The following PKHD1 variants were observed in gnomAD, a reference collection of about 807,000 sequenced individuals.
PKHD1 encodes fibrocystin.
Under a neutral mutation model 412.0 loss-of-function variants are expected in PKHD1, and 291 were observed. The observed-to-expected ratio is 0.71, with a 90% CI of 0.64 to 0.78. PKHD1 has a LOEUF of 0.78. PKHD1 is among the 30% of genes least tolerant of loss of function. PKHD1 has a pLI of 0.00. For missense variants in PKHD1, 4,825 were observed against 4,950.7 expected, an observed-to-expected ratio of 0.97 and a Z score of 0.76; for synonymous variants, 1,777 against 1,821.5, an observed-to-expected ratio of 0.98 and a Z score of 0.62.
intron 5 of PKHD1, among the ~76,000 whole-genome samples, chr6:52,076,590 T>C (rs1184596721): frequency 6.6e-6 from 1 of 152,204 alleles, no homozygotes; most frequent in African/African-American, 2.4e-5. Context: ...TTCTGTACCA[T>C]ATTGTCCAAA....
rs112486611 is a variant in PKHD1 at position 51,773,681 on chromosome 6, A to C, written c.8555-892T>G. Among the ~76,000 whole-genome samples, 745 of 151,782 alleles carry C rather than the reference A, an allele frequency of 4.9e-3. 7 individuals are homozygous for C. Among genetic ancestry groups the C allele is most frequent in the African/African-American group, 0.017 (723 of 41,516 alleles). On this transcript the variant is annotated intron_variant, in intron 54 of 66. Transcript: ENST00000371117. ...GCACTGTATTTTATTGCAAGTCATT[A>C]ATCTAAAAATTTAAAAATTTTACAA...
At chr6:51,906,983 G>T (rs1018526) in intron 40 of PKHD1, among the ~76,000 whole-genome samples, 13 of 152,016 alleles carry the variant, frequency 8.6e-5, no homozygotes, top group Admixed American at 8.5e-4. Context: ...ATCTGGTTAC[G>T]AGGCCTAGAT....
chr6:52,054,003 T>G, intron 20 of PKHD1, 35 bp downstream of exon 20: 1 of 1,612,744 alleles, frequency 6.2e-7, no homozygotes, highest in Non-Finnish European at 8.5e-7. Flanking sequence ...CCCAGCTGAC[T>G]GAATTCCCAC....
chr6:51,836,353 G>A (rs1195834362), intron 51 of PKHD1, 51 bp downstream of exon 51: 1 of 1,183,904 alleles, frequency 8.4e-7, no homozygotes, highest in Admixed American at 1.7e-5. Context: ...TAGAACTACT[G>A]GAGGACATTC....
intron 60 of PKHD1, among the ~76,000 whole-genome samples, chr6:51,681,070 T>C (rs1002911026): frequency 6.6e-6 from 1 of 152,048 alleles, no homozygotes; most frequent in African/African-American, 2.4e-5. Flanking sequence ...GTAAAATCAA[T>C]GGAAAACCCC....
chr6:51,889,202 G>A (rs1778721007), intron 43 of PKHD1, among the ~76,000 whole-genome samples: 1 of 152,080 alleles, frequency 6.6e-6, no homozygotes, highest in African/African-American at 2.4e-5. Flanking sequence ...TCAATCCCGG[G>A]AACACAAACT....
At chr6:51,736,548 T>C (rs1007665327) in intron 60 of PKHD1, among the ~76,000 whole-genome samples, 55 of 152,190 alleles carry the variant, frequency 3.6e-4, no homozygotes, top group Admixed American at 3.6e-3. Context: ...TTTAATACCA[T>C]GACATCTGGA....
At chr6:51,715,485 TA>T (rs1278903169) in intron 60 of PKHD1, among the ~76,000 whole-genome samples, 2 of 152,206 alleles carry the variant, frequency 1.3e-5, no homozygotes, top group Non-Finnish European at 2.9e-5. Flanking sequence ...TGCCTAGAAT[TA>T]AAATTAAAGG....
intron 35 of PKHD1, among the ~76,000 whole-genome samples, chr6:51,967,446 A>C (rs1239187754): frequency 6.6e-6 from 1 of 152,154 alleles, no homozygotes; most frequent in Non-Finnish European, 1.5e-5. Flanking sequence ...ACATGCGCAA[A>C]ATGGAACTTT....
At chr6:51,721,781 T>C (rs1321031757) in intron 60 of PKHD1, 1 of 1,426,874 alleles carries the variant, frequency 7.0e-7, no homozygotes, top group Admixed American at 2.8e-5. Flanking sequence ...TTCCTCTCTT[T>C]TGTATTTCTT....
Position 51,775,698 on chromosome 6 carries a change from G to T in PKHD1, c.8554+110C>A, listed in dbSNP as rs527263247. 30 of 668,896 alleles carry T rather than the reference G, an allele frequency of 4.5e-5. No homozygotes were observed. The African/African-American group carries it at 5.2e-4, about 12-fold the overall frequency. The allele number at this position is 668,896 out of a possible 1,614,324, so 41.4% of individuals were successfully genotyped here. ...TAATAAATATAAATTGCCTAAAAGG[G>T]TGTTTGGAATTTAGCATATGTTCTA... On this transcript the variant is annotated intron_variant, in intron 54 of 66. Transcript: ENST00000371117.
At position 52,056,927 on chromosome 6, in the gene PKHD1, G is replaced by A. The variant is rs746561147; in HGVS notation, c.1565C>T (p.Ser522Phe). The change falls in exon 17 of 67, where the codon TCT becomes TTT. Residue 522 changes from serine (S) to phenylalanine (F), a missense_variant. By Grantham distance (155) the Ser-to-Phe change is radical. Transcript: ENST00000371117. ...GNFFLTWDNVSSQPIPANATA... is the reference protein window; with the variant it reads ...GNFFLTWDNVFSQPIPANATA... ...GGCATTTGCAGGGATTGGCTGACTA[G>A]AGACATTGTCCCAAGTAAGGAAGAA... is the stretch of plus-strand genomic sequence containing the variant. 222 of 1,613,854 alleles carry A rather than the reference G, an allele frequency of 1.4e-4. No homozygotes were observed. The highest frequency in any genetic ancestry group is 1.8e-4 in the Non-Finnish European group (212 of 1,179,900).
intron 48 of PKHD1, among the ~76,000 whole-genome samples, chr6:51,863,078 G>A (rs1339166191): frequency 6.6e-6 from 1 of 151,900 alleles, no homozygotes; most frequent in South Asian, 2.1e-4. Context: ...TGACCCTGAG[G>A]GATAAATACC....
intron 14 of PKHD1, among the ~76,000 whole-genome samples, chr6:52,060,987 A>T (rs1297659503): frequency 6.6e-6 from 1 of 152,314 alleles, no homozygotes; most frequent in East Asian, 1.9e-4. Flanking sequence ...AGTTAAAGGG[A>T]CATACCCTGC....
intron 60 of PKHD1, 82 bp downstream of exon 60, chr6:51,744,303 A>AT (rs1401452335): frequency 1.6e-6 from 2 of 1,217,230 alleles, no homozygotes; most frequent in African/African-American, 3.0e-5. Context: ...AGTACATTTC[A>AT]TTCTCAGTGA....
At chr6:51,691,426 T>C (rs1046443180) in intron 60 of PKHD1, among the ~76,000 whole-genome samples, 2 of 152,100 alleles carry the variant, frequency 1.3e-5, no homozygotes, top group Non-Finnish European at 2.9e-5. Flanking sequence ...TAATTATAGC[T>C]TGGTTAAAGA....
chr6:51,625,397 C>T (rs534036201), intron 66 of PKHD1, among the ~76,000 whole-genome samples: 4 of 152,246 alleles, frequency 2.6e-5, no homozygotes, highest in East Asian at 1.9e-4. Flanking sequence ...GCAGGAGATG[C>T]TTCATTATTT....
intron 43 of PKHD1, among the ~76,000 whole-genome samples, chr6:51,887,912 C>T (rs1011624558): frequency 6.6e-6 from 1 of 152,192 alleles, no homozygotes. Flanking sequence ...ATCTTAATAA[C>T]TGGTATCTCA....
rs566109272 is a variant in PKHD1 at position 51,996,151 on chromosome 6, G to A, written c.5751+14158C>T. Among the ~76,000 whole-genome samples the A allele has an allele frequency of 3.2e-4, 47 of 145,322 alleles. No individual in the cohort carries two copies. In the South Asian group the frequency reaches 8.6e-3, roughly 27 times the overall value. ...CTCCCAAGTAGCTGGGACTACAGGC[G>A]CCTGCCACGACGCCTGGCTTTTTTT... On this transcript the variant is annotated intron_variant, in intron 35 of 66. Coordinates refer to ENST00000371117, the MANE Select transcript of PKHD1 (RefSeq NM_138694.4).
Sources: gnomAD v4.1 joint callset for allele counts (sites outside exome capture counted in the v4.1 genomes callset) on GRCh38, gnomAD v4.1.1 for gene constraint, MANE v1.5 for transcripts, NCBI Gene and HGNC (gene_info 2026-07-23, HGNC 2026-07-21) for gene names.